The following DIAPH2 variants were observed in gnomAD, a reference collection of about 807,000 sequenced individuals.
The protein encoded by DIAPH2 is diaphanous related formin 2.
A neutral mutation model predicts 92.7 loss-of-function variants in DIAPH2; 35 were observed. That is an observed-to-expected ratio of 0.38 (90% confidence interval 0.29 to 0.50). The LOEUF (loss-of-function observed/expected upper bound fraction) is 0.50. DIAPH2 is among the 20% of genes least tolerant of loss of function. The pLI is 0.94. For missense variants in DIAPH2, 701 were observed against 819.5 expected (o/e 0.86, Z 1.77); for synonymous variants, 301 against 280.4 (o/e 1.07, Z -0.73).
chrX:96,763,151 A>G, intron 4 of DIAPH2: 1 of 929,054 alleles, frequency 1.1e-6, no homozygotes, highest in Non-Finnish European at 1.4e-6. Flanking sequence ...TTACCCTTAG[A>G]TATGAATTTG....
intron 23 of DIAPH2, among the ~76,000 whole-genome samples, chrX:97,288,497 A>G (rs1425536920): frequency 9.0e-6 from 1 of 111,049 alleles, no homozygotes; most frequent in African/African-American, 3.3e-5. Flanking sequence ...TAATCCTAGC[A>G]CTTTGGGAGG....
intron 4 of DIAPH2, among the ~76,000 whole-genome samples, chrX:96,803,627 C>T (rs980597477): frequency 2.8e-4 from 31 of 112,601 alleles, no homozygotes; most frequent in Admixed American, 3.8e-4. Context: ...CTATTAATAG[C>T]ACTTTCCAAA....
chrX:96,810,804 G>C (rs1451662788), intron 4 of DIAPH2, among the ~76,000 whole-genome samples: 1 of 111,585 alleles, frequency 9.0e-6, no homozygotes, highest in Non-Finnish European at 1.9e-5. Flanking sequence ...GTTTTTGTCA[G>C]GTTTGTCAAA....
intron 22 of DIAPH2, among the ~76,000 whole-genome samples, chrX:97,185,482 T>TATATATATATATATATATATACAC (rs2067592532): frequency 1.2e-4 from 1 of 8,474 alleles, no homozygotes; most frequent in Non-Finnish European, 3.4e-4. Context: ...CACATATATA[T>TATATATATATATATATATATACAC]ATATATATAT....
chrX:97,576,365 C>T (rs2147876885), intron 26 of DIAPH2, among the ~76,000 whole-genome samples: 1 of 111,643 alleles, frequency 9.0e-6, no homozygotes, highest in East Asian at 2.8e-4. Context: ...GTTCTCTGTT[C>T]TCCTGCAAGA....
At chrX:96,930,641 G>A (rs1296082681) in intron 9 of DIAPH2, 92 bp from the exon 10 acceptor site, 1 of 540,087 alleles carries the variant, frequency 1.9e-6, no homozygotes, top group African/African-American at 2.4e-5. Flanking sequence ...TTATCATTAT[G>A]TGTGTATGCC....
chrX:97,161,194 T>C (rs1249307342), intron 22 of DIAPH2, among the ~76,000 whole-genome samples: 1 of 109,810 alleles, frequency 9.1e-6, no homozygotes, highest in East Asian at 2.8e-4. Flanking sequence ...TTTCTAGTTA[T>C]GTATGTGATT....
At chrX:97,239,510 T>C (rs955384467) in intron 22 of DIAPH2, among the ~76,000 whole-genome samples, 1 of 111,827 alleles carries the variant, frequency 8.9e-6, no homozygotes, top group Non-Finnish European at 1.9e-5. Flanking sequence ...CCGATAGCTA[T>C]AATTTAATTT....
intron 26 of DIAPH2, among the ~76,000 whole-genome samples, chrX:97,494,211 C>T (rs919635320): frequency 8.7e-5 from 9 of 104,031 alleles, no homozygotes; most frequent in Non-Finnish European, 1.4e-4. Flanking sequence ...CCCAGCTACT[C>T]GGGATGCTGA....
At chrX:97,038,964 A>T (rs1272853490) in intron 17 of DIAPH2, among the ~76,000 whole-genome samples, 1 of 111,486 alleles carries the variant, frequency 9.0e-6, no homozygotes, top group Non-Finnish European at 1.9e-5. Flanking sequence ...TGGTGGAAGG[A>T]TATGAGTTGT....
At chrX:97,597,053 T>C (rs1399318976) in intron 26 of DIAPH2, among the ~76,000 whole-genome samples, 1 of 112,369 alleles carries the variant, frequency 8.9e-6, no homozygotes, top group Non-Finnish European at 1.9e-5. Context: ...TTTCTAATGA[T>C]ATTTTTTTCA....
intron 26 of DIAPH2, among the ~76,000 whole-genome samples, chrX:97,578,066 G>A (rs1349059452): frequency 3.3e-5 from 3 of 91,845 alleles, no homozygotes; most frequent in South Asian, 6.4e-4. Flanking sequence ...TGGGGAGTAC[G>A]GTCTCTTTGA....
intron 19 of DIAPH2, among the ~76,000 whole-genome samples, chrX:97,087,230 A>G (rs1348741372): frequency 8.9e-6 from 1 of 112,086 alleles, no homozygotes; most frequent in Non-Finnish European, 1.9e-5. Context: ...TAAGACCATC[A>G]TTTATTTTAT....
chrX:97,204,687 G>A (rs1356434500), intron 22 of DIAPH2, among the ~76,000 whole-genome samples: 2 of 111,559 alleles, frequency 1.8e-5, no homozygotes, highest in Non-Finnish European at 3.8e-5. Flanking sequence ...CAAACAAATG[G>A]GAAAACAGCC....
chrX:97,567,032 G>A (rs1207345605), intron 26 of DIAPH2, among the ~76,000 whole-genome samples: 2 of 111,481 alleles, frequency 1.8e-5, no homozygotes. Context: ...AGAATACAAT[G>A]AAAAATGACT....
At chrX:97,275,447 G>A (rs746159965) in intron 23 of DIAPH2, among the ~76,000 whole-genome samples, 16 of 106,328 alleles carry the variant, frequency 1.5e-4, no homozygotes, top group African/African-American at 5.0e-4. Flanking sequence ...CAGACGGGGC[G>A]GCTGCCGGGC....
chrX:96,962,380 C>CACATATATATATACACATATATATAT (rs2065862170), intron 16 of DIAPH2, among the ~76,000 whole-genome samples: 3 of 25,715 alleles, frequency 1.2e-4, no homozygotes, highest in Non-Finnish European at 1.8e-4. Context: ...TATATATATA[C>CACATATATATATACACATATATATAT]ACATATATAT....
At chrX:97,494,139 A>G (rs111919118) in intron 26 of DIAPH2, among the ~76,000 whole-genome samples, 4 of 63,520 alleles carry the variant, frequency 6.3e-5, no homozygotes, top group East Asian at 5.2e-4. Flanking sequence ...GTGTGTGTGT[A>G]TATATGTATA....
At chrX:97,116,181 T>A (rs2067015443) in intron 21 of DIAPH2, among the ~76,000 whole-genome samples, 1 of 112,115 alleles carries the variant, frequency 8.9e-6, no homozygotes, top group African/African-American at 3.2e-5. Context: ...AGCACTTTGA[T>A]ATGTATCAAA....
Sources: gnomAD v4.1 joint callset for allele counts (sites outside exome capture counted in the v4.1 genomes callset) on GRCh38, gnomAD v4.1.1 for gene constraint, MANE v1.5 for transcripts, NCBI Gene and HGNC (gene_info 2026-07-23, HGNC 2026-07-21) for gene names.